Variants in TSHZ3 observed in about 807,000 individuals in gnomAD.
The protein encoded by TSHZ3 is teashirt homolog 3.
In TSHZ3, 10 loss-of-function variants were observed where a neutral mutation model predicts 64.5. The ratio of observed to expected loss-of-function variants is 0.16; its 90% CI spans 0.10 to 0.26. The LOEUF (loss-of-function observed/expected upper bound fraction) is 0.26. TSHZ3 is among the 10% of genes least tolerant of loss of function. TSHZ3 has a pLI of 1.00. For missense variants in TSHZ3, 1,242 were observed against 1,421.7 expected, an observed-to-expected ratio of 0.87 and a Z score of 2.03; for synonymous variants, 608 against 593.1, an observed-to-expected ratio of 1.03 and a Z score of -0.36.
intron 1 of TSHZ3, among the ~76,000 whole-genome samples, chr19:31,248,339 C>T (rs1283183440): frequency 1.3e-5 from 2 of 152,134 alleles, no homozygotes; most frequent in African/African-American, 2.4e-5. Context: ...TGAGAATTCT[C>T]GCAACTTTTC....
At chr19:31,274,131 A>G (rs530650494), downstream of TSHZ3, among the ~76,000 whole-genome samples, 1 of 151,898 alleles carries the variant, frequency 6.6e-6, no homozygotes, top group East Asian at 1.9e-4. Context: ...TTAATAAAAT[A>G]TGTGTTTTTT....
At chr19:31,195,139 G>C (rs1316820318) in intron 5 of TSHZ3, among the ~76,000 whole-genome samples, 1 of 152,108 alleles carries the variant, frequency 6.6e-6, no homozygotes, top group Non-Finnish European at 1.5e-5. Context: ...GGGAATACCA[G>C]ACAGAGAAAA....
At chr19:31,187,718 T>C (rs1404465143) in intron 5 of TSHZ3, among the ~76,000 whole-genome samples, 2 of 152,278 alleles carry the variant, frequency 1.3e-5, no homozygotes, top group East Asian at 1.9e-4. Flanking sequence ...TTGAATTGCC[T>C]TGCAGCTTTT....
intron 5 of TSHZ3, among the ~76,000 whole-genome samples, chr19:31,163,308 G>A (rs1396097406): frequency 6.6e-6 from 1 of 152,118 alleles, no homozygotes; most frequent in Non-Finnish European, 1.5e-5. Flanking sequence ...CACTAAGTCT[G>A]GAAAGATGAA....
At chr19:31,317,463 C>T (rs1916634663) in intron 1 of TSHZ3, among the ~76,000 whole-genome samples, 1 of 152,186 alleles carries the variant, frequency 6.6e-6, no homozygotes, top group African/African-American at 2.4e-5. Flanking sequence ...TCAGAAGCTC[C>T]CTGTGATGTC....
At chr19:31,322,663 T>C (rs1448296129) in intron 1 of TSHZ3, among the ~76,000 whole-genome samples, 1 of 152,138 alleles carries the variant, frequency 6.6e-6, no homozygotes, top group Non-Finnish European at 1.5e-5. Flanking sequence ...CAAGCGATCC[T>C]CCTGCCTCGG....
chr19:31,329,424 G>A (rs1917013651), intron 1 of TSHZ3, among the ~76,000 whole-genome samples: 1 of 152,204 alleles, frequency 6.6e-6, no homozygotes, highest in African/African-American at 2.4e-5. Context: ...AGTGGTATAA[G>A]GTCAGCCCTG....
At chr19:31,224,525 T>C (rs1264612235) in intron 4 of TSHZ3, among the ~76,000 whole-genome samples, 1 of 152,208 alleles carries the variant, frequency 6.6e-6, no homozygotes, top group Non-Finnish European at 1.5e-5. Context: ...CATACATGTC[T>C]CCCAGGACAT....
intron 1 of TSHZ3, among the ~76,000 whole-genome samples, chr19:31,251,045 T>C (rs533156907): frequency 1.3e-5 from 2 of 152,102 alleles, no homozygotes; most frequent in East Asian, 3.9e-4. Context: ...CCAAACACAG[T>C]AGAAGGTTCT....
At chr19:31,313,764 C>T (rs1916524759) in intron 1 of TSHZ3, among the ~76,000 whole-genome samples, 1 of 152,202 alleles carries the variant, frequency 6.6e-6, no homozygotes, top group African/African-American at 2.4e-5. Flanking sequence ...GATCCCTGCT[C>T]CTTGCCCTAG....
chr19:31,169,582 C>T (rs1974507224), intron 5 of TSHZ3, among the ~76,000 whole-genome samples: 3 of 152,072 alleles, frequency 2.0e-5, no homozygotes, highest in Admixed American at 2.0e-4. Context: ...CTTAATACCA[C>T]TGAGTTGTAC....
intron 5 of TSHZ3, among the ~76,000 whole-genome samples, chr19:31,177,611 A>C (rs1974631166): frequency 6.6e-6 from 1 of 152,218 alleles, no homozygotes. Flanking sequence ...TTCCACGATG[A>C]GCTCCTGCTT....
chr19:31,174,944 A>C (rs1032130495), intron 5 of TSHZ3, among the ~76,000 whole-genome samples: 6 of 152,226 alleles, frequency 3.9e-5, no homozygotes, highest in African/African-American at 1.4e-4. Flanking sequence ...TTTTATTTTT[A>C]ATCTGGAGCA....
intron 1 of TSHZ3, among the ~76,000 whole-genome samples, chr19:31,258,881 T>C (rs1975948645): frequency 6.6e-6 from 1 of 152,180 alleles, no homozygotes; most frequent in Non-Finnish European, 1.5e-5. Flanking sequence ...TCGATTCCTC[T>C]AGGCACCATC....
At chr19:31,252,595 C>T (rs562692952) in intron 1 of TSHZ3, among the ~76,000 whole-genome samples, 6 of 152,304 alleles carry the variant, frequency 3.9e-5, no homozygotes, top group Non-Finnish European at 5.9e-5. Flanking sequence ...TGGTTTTATA[C>T]GCATCTGGCA....
At chr19:31,273,644 G>A (rs1387218757), downstream of TSHZ3, among the ~76,000 whole-genome samples, 1 of 152,188 alleles carries the variant, frequency 6.6e-6, no homozygotes, top group Non-Finnish European at 1.5e-5. Context: ...TGGAAATCTG[G>A]GCTCCAGGAT....
At chr19:31,223,276 G>A (rs1397728918) in intron 4 of TSHZ3, among the ~76,000 whole-genome samples, 1 of 152,080 alleles carries the variant, frequency 6.6e-6, no homozygotes, top group Non-Finnish European at 1.5e-5. Flanking sequence ...ATCTGACACT[G>A]TAGAGCCCTC....
chr19:31,292,618 T>C (rs73551347), intron 1 of TSHZ3, among the ~76,000 whole-genome samples: 1 of 152,044 alleles, frequency 6.6e-6, no homozygotes, highest in South Asian at 2.1e-4. Flanking sequence ...ACTCAACACA[T>C]CTACCCATCC....
Position 31,241,441 on chromosome 19 carries a change from C to T in TSHZ3, n.550+828G>A, listed in dbSNP as rs191098887. On this transcript the variant is annotated intron_variant and non_coding_transcript_variant, in intron 3 of 6. Coordinates refer to the TSHZ3 transcript ENST00000651361. ...TCTAATAAGGTTGAGAATCAAGCATCCAGCCCCACCACACTGCCTGTCCTC... is the reference window on the plus strand; with the variant it reads ...TCTAATAAGGTTGAGAATCAAGCATTCAGCCCCACCACACTGCCTGTCCTC... Among the ~76,000 whole-genome samples the T allele has an allele frequency of 4.5e-4, 69 of 152,316 alleles. 1 individual carries two copies. Among genetic ancestry groups the T allele is most frequent in the Admixed American group, 4.5e-3 (69 of 15,306 alleles).
Sources: gnomAD v4.1 joint callset for allele counts (sites outside exome capture counted in the v4.1 genomes callset) on GRCh38, gnomAD v4.1.1 for gene constraint, MANE v1.5 for transcripts, NCBI Gene and HGNC (gene_info 2026-07-23, HGNC 2026-07-21) for gene names.